Variants in STON2 observed in about 807,000 individuals in gnomAD.
STON2 encodes the protein stonin-2.
Under a neutral mutation model 65.7 loss-of-function variants are expected in STON2, and 29 were observed. That is an observed-to-expected ratio of 0.44 (90% CI 0.33 to 0.60). The LOEUF (loss-of-function observed/expected upper bound fraction) is 0.60. Ranked by LOEUF, STON2 falls within the 20% of genes least tolerant of loss-of-function variation. The probability of loss-of-function intolerance (pLI) is 0.03; values close to 1 mark genes in which losing one functional copy is unlikely to be tolerated. For synonymous variants in STON2, 404 were observed against 414.2 expected, an observed-to-expected ratio of 0.98 and a Z score of 0.30; for missense variants, 1,054 against 1,118.1, an observed-to-expected ratio of 0.94 and a Z score of 0.82.
chr14:81,371,571 C>T (rs1025544965), intron 3 of STON2, among the ~76,000 whole-genome samples: 1 of 150,344 alleles, frequency 6.7e-6, no homozygotes, highest in Non-Finnish European at 1.5e-5. Context: ...GGCTGGAGCC[C>T]GTAGTCCCAG....
intron 6 of STON2, among the ~76,000 whole-genome samples, chr14:81,275,020 C>T (rs1894755035): frequency 7.4e-6 from 1 of 135,522 alleles, no homozygotes; most frequent in Admixed American, 7.5e-5. Flanking sequence ...ACCAGAGCTA[C>T]TCTAGTGCTG....
chr14:81,277,159 C>T lies in STON2; in HGVS notation c.2323G>A (p.Asp775Asn). Residue 775 changes from aspartate to asparagine, a missense_variant, in exon 6 of 8, where the codon GAC (aspartate) becomes AAC (asparagine). Asp to Asn is a conservative substitution (Grantham distance 23, BLOSUM62 1). Coordinates refer to ENST00000614646, the MANE Select transcript of STON2 (RefSeq NM_001394390.1). ...RMSTGFSANR[D>N]PLTQVPCENV... ...TCACAGGGAACCTGAGTGAGGGGGT[C>T]ACGATTGGCGGAGAAGCCAGTTGAC... is the stretch of plus-strand genomic sequence containing the variant. 1 of 1,614,228 alleles carries T rather than the reference C, an allele frequency of 6.2e-7. No homozygotes were observed. Among genetic ancestry groups the T allele is most frequent in the Non-Finnish European group, 8.5e-7 (1 of 1,180,048 alleles).
intron 3 of STON2, among the ~76,000 whole-genome samples, chr14:81,391,550 G>C (rs1303180535): frequency 2.6e-5 from 4 of 152,188 alleles, no homozygotes; most frequent in Non-Finnish European, 4.4e-5. Context: ...AAACCCAAGA[G>C]GGAATTAGCT....
chr14:81,435,545 G>A (rs552512493), intron 1 of STON2, among the ~76,000 whole-genome samples: 3 of 152,140 alleles, frequency 2.0e-5, no homozygotes, highest in African/African-American at 7.2e-5. Context: ...AGGGGGAAAC[G>A]GGGAGCGTCG....
At chr14:81,394,216 G>A (rs192996385) in intron 3 of STON2, among the ~76,000 whole-genome samples, 2 of 151,950 alleles carry the variant, frequency 1.3e-5, no homozygotes, top group East Asian at 1.9e-4. Context: ...GAAATCTGAT[G>A]TTCAAATATG....
chr14:81,280,150 G>C (rs1194196930), intron 5 of STON2, among the ~76,000 whole-genome samples: 1 of 152,036 alleles, frequency 6.6e-6, no homozygotes, highest in East Asian at 1.9e-4. Flanking sequence ...ATGATAAAAA[G>C]GTTATTACAA....
intron 3 of STON2, among the ~76,000 whole-genome samples, chr14:81,393,997 C>A (rs1479829843): frequency 6.6e-6 from 1 of 152,148 alleles, no homozygotes; most frequent in African/African-American, 2.4e-5. Context: ...TCGAAACCAG[C>A]CTGGCCAACA....
In STON2 at chr14:81,261,531, G is replaced by A; in HGVS notation, c.*6883C>T. 1 of 337,326 alleles carries A rather than the reference G, an allele frequency of 3.0e-6. No individual in the cohort carries two copies. The highest frequency in any genetic ancestry group is 5.3e-6 in the Non-Finnish European group (1 of 189,370). The allele number at this position is 337,326 out of a possible 1,614,324, so 20.9% of individuals were successfully genotyped here. On this transcript the variant is annotated 3_prime_UTR_variant, in exon 8 of 8. Coordinates refer to ENST00000614646, the MANE Select transcript of STON2 (RefSeq NM_001394390.1). ...TAACTACAATTTGATGTTACTAAGA[G>A]ACAACGAGGATACAGAGGGGACTGT...
intron 4 of STON2, among the ~76,000 whole-genome samples, chr14:81,366,964 C>T (rs1483481602): frequency 2.0e-5 from 3 of 152,084 alleles, no homozygotes; most frequent in South Asian, 2.1e-4. Flanking sequence ...ATGACTTACC[C>T]GGAGGACAGA....
intron 5 of STON2, among the ~76,000 whole-genome samples, chr14:81,321,233 T>G (rs538492937): frequency 6.6e-6 from 1 of 152,164 alleles, no homozygotes; most frequent in African/African-American, 2.4e-5. Context: ...TCAAATTCTT[T>G]AAATGTTTAC....
chr14:81,408,036 G>C (rs1401538023), intron 2 of STON2, among the ~76,000 whole-genome samples: 1 of 151,922 alleles, frequency 6.6e-6, no homozygotes, highest in African/African-American at 2.4e-5. Flanking sequence ...TTAGATTAAG[G>C]ACTTGAATAC....
intron 4 of STON2, among the ~76,000 whole-genome samples, chr14:81,329,666 G>A (rs971919515): frequency 1.3e-5 from 2 of 152,096 alleles, no homozygotes; most frequent in African/African-American, 2.4e-5. Context: ...CCCAGTTTGC[G>A]GTAATTTGTG....
In STON2 at chr14:81,266,165, A is replaced by G. The variant is rs1894350844; in HGVS notation, c.*2249T>C. On this transcript the variant is annotated 3_prime_UTR_variant, in exon 8 of 8. Coordinates refer to ENST00000614646, the MANE Select transcript of STON2 (RefSeq NM_001394390.1). ...TTAGAAGGAATCTTGGTAGACATATAGACCAAATCCAATGTAAGATTCCCT... is the reference window on the plus strand; with the variant it reads ...TTAGAAGGAATCTTGGTAGACATATGGACCAAATCCAATGTAAGATTCCCT... 2.2e-6 allele frequency: 2 copies of G among 912,218 alleles called. No individual in the cohort carries two copies. The highest frequency in any genetic ancestry group is 2.6e-6 in the Non-Finnish European group (2 of 763,408). The allele number at this position is 912,218 out of a possible 1,614,324, so 56.5% of individuals were successfully genotyped here. A position where few individuals can be genotyped will look rare whatever the true frequency, so the allele number is the denominator to read the frequency against.
intron 3 of STON2, among the ~76,000 whole-genome samples, chr14:81,391,338 G>A (rs967086416): frequency 6.6e-6 from 1 of 152,208 alleles, no homozygotes; most frequent in Non-Finnish European, 1.5e-5. Flanking sequence ...TACAGCACAT[G>A]CATTCAAACA....
chr14:81,287,267 T>TA (rs571142632), intron 5 of STON2, among the ~76,000 whole-genome samples: 208 of 152,246 alleles, frequency 1.4e-3, no homozygotes, highest in African/African-American at 4.7e-3. Context: ...GGGACCTACT[T>TA]AGTCATTACA....
intron 4 of STON2, among the ~76,000 whole-genome samples, chr14:81,347,725 G>A (rs1455362015): frequency 1.5e-5 from 2 of 132,658 alleles, no homozygotes; most frequent in Non-Finnish European, 3.3e-5. Context: ...CTAAAAATGT[G>A]AGACCCCCTC....
chr14:81,278,871 T>C (rs1894993743), intron 5 of STON2, 132 bp from the exon 6 acceptor site: 2 of 658,588 alleles, frequency 3.0e-6, no homozygotes, highest in Non-Finnish European at 4.8e-6. Flanking sequence ...TCATTATCTG[T>C]TTCAAGTGCT....
chr14:81,277,272 A>AG lies in STON2; in HGVS notation c.2209_2210insC (p.Val737AlafsTer4), dbSNP rs1272904295. The AG allele has an allele frequency of 1.2e-6, 2 of 1,614,114 alleles. No individual in the cohort carries two copies. The highest frequency in any genetic ancestry group is 8.5e-7 in the Non-Finnish European group (1 of 1,180,016). ...GAAAGGCAAGGTCTTCTCAGCAAAC[A>AG]CTGTCCTGAACCGCATTAGCTCAAA... is the stretch of plus-strand genomic sequence containing the variant. On this transcript the variant is annotated frameshift_variant, in exon 6 of 8. Transcript: ENST00000614646. LOFTEE classifies it high-confidence loss of function.
chr14:81,348,847 T>C (rs1349301426), intron 4 of STON2, among the ~76,000 whole-genome samples: 1 of 150,810 alleles, frequency 6.6e-6, no homozygotes. Context: ...AGCTTCAAAA[T>C]ATTATTCAAA....
Sources: gnomAD v4.1 joint callset for allele counts (sites outside exome capture counted in the v4.1 genomes callset) on GRCh38, gnomAD v4.1.1 for gene constraint, MANE v1.5 for transcripts, NCBI Gene and HGNC (gene_info 2026-07-23, HGNC 2026-07-21) for gene names.